The following INTS12 variants were observed in gnomAD, a reference collection of about 807,000 sequenced individuals.
INTS12 encodes the protein PHD finger protein 22.
INTS12 carries 13 observed loss-of-function variants against 41.6 expected under a neutral mutation model. The ratio of observed to expected loss-of-function variants is 0.31; its 90% CI spans 0.20 to 0.50. The LOEUF (loss-of-function observed/expected upper bound fraction) is 0.50. INTS12 is among the 20% of genes least tolerant of loss of function. The pLI is 0.98. For synonymous variants in INTS12, 199 were observed against 191.4 expected, an observed-to-expected ratio of 1.04 and a Z score of -0.33; for missense variants, 432 against 541.6, an observed-to-expected ratio of 0.80 and a Z score of 2.01.
intron 3 of INTS12, among the ~76,000 whole-genome samples, chr4:105,698,498 C>A (rs1731949341): frequency 6.6e-6 from 1 of 152,112 alleles, no homozygotes; most frequent in African/African-American, 2.4e-5. Flanking sequence ...TTAATCACAA[C>A]AAATTTTTCA....
intron 1 of INTS12, chr4:105,706,254 C>CTTTTTT (rs757516945): frequency 4.0e-5 from 5 of 125,398 alleles, no homozygotes; most frequent in Admixed American, 8.4e-5. Context: ...ACTTCAATCT[C>CTTTTTT]TTTTTTTTTT....
Position 105,689,211 on chromosome 4 carries a change from G to A in INTS12, c.658-2373C>T, listed in dbSNP as rs116957480. 2.9e-3 allele frequency among the ~76,000 whole-genome samples: 439 copies of A among 152,284 alleles called. 7 individuals carry two copies. In the East Asian group the frequency reaches 0.045, roughly 16 times the overall value. ...AATAACCTTGGACCCTGCCATACAC[G>A]ATCACAACATTCTTAACTAGGTCTT... On this transcript the variant is annotated intron_variant, in intron 6 of 7. Coordinates refer to ENST00000340139, the MANE Select transcript of INTS12 (RefSeq NM_020395.4).
In INTS12 at chr4:105,683,048, T is replaced by A; in HGVS notation, c.1074A>T (p.Val358=). The change falls in exon 8 of 8, where the codon GTA becomes GTT. Residue 358 remains valine (V), a synonymous_variant. Transcript: ENST00000340139. The part of the protein sequence containing the change: ...IGSNNSTTPT[V]PLKPPPPLTL... Reference sequence around the variant, plus strand: ...TTAGAGGTGGAGGTGGTTTTAAAGGTACAGTGGGCGTAGTGCTGTTATTGG... The same window carrying A: ...TTAGAGGTGGAGGTGGTTTTAAAGGAACAGTGGGCGTAGTGCTGTTATTGG... The A allele has an allele frequency of 1.9e-6, 3 of 1,614,150 alleles. No individual in the cohort carries two copies. The highest frequency in any genetic ancestry group is 2.5e-6 in the Non-Finnish European group (3 of 1,179,986).
chr4:105,686,202 A>G (rs887539558), intron 7 of INTS12, among the ~76,000 whole-genome samples: 4 of 152,128 alleles, frequency 2.6e-5, no homozygotes, highest in African/African-American at 9.7e-5. Flanking sequence ...AGCTGATCAC[A>G]GGCACCGCCA....
intron 3 of INTS12, among the ~76,000 whole-genome samples, 181 bp downstream of exon 3, chr4:105,699,669 C>G (rs141853457): frequency 1.9e-4 from 29 of 152,146 alleles, no homozygotes; most frequent in African/African-American, 5.5e-4. Flanking sequence ...GCTGATTTTT[C>G]TATGTGGTGT....
At chr4:105,698,405 T>A (rs1449304787) in intron 3 of INTS12, among the ~76,000 whole-genome samples, 1 of 152,224 alleles carries the variant, frequency 6.6e-6, no homozygotes, top group Non-Finnish European at 1.5e-5. Flanking sequence ...GGACCTGGGC[T>A]TTAAAAACCT....
At chr4:105,694,906 C>T (rs2149184136) in intron 4 of INTS12, among the ~76,000 whole-genome samples, 1 of 152,078 alleles carries the variant, frequency 6.6e-6, no homozygotes, top group Non-Finnish European at 1.5e-5. Context: ...CATCTATACT[C>T]TTTCCCATCT....
intron 4 of INTS12, among the ~76,000 whole-genome samples, chr4:105,694,382 G>A (rs1731788583): frequency 2.6e-5 from 4 of 152,236 alleles, no homozygotes; most frequent in South Asian, 4.1e-4. Context: ...CTGGAGTGCA[G>A]TGGCACAATC....
At chr4:105,700,430 T>A (rs747084855) in intron 2 of INTS12, among the ~76,000 whole-genome samples, 3 of 152,124 alleles carry the variant, frequency 2.0e-5, no homozygotes, top group Non-Finnish European at 2.9e-5. Flanking sequence ...GAAGACTTAG[T>A]GTGCAGGTGT....
At position 105,682,928 on chromosome 4, in the gene INTS12, G is replaced by A. The variant is rs752694247; in HGVS notation, c.1194C>T (p.Ser398=). ...TATTTCCATTCCCACTTAGTTGGCT[G>A]CTGCTTCCTGGAACTAAACTACTTG... ...PSPSSLVPGS[S]SQLSGNGNSG... Residue 398 remains serine, a synonymous_variant, in exon 8 of 8, where the codon AGC becomes AGT. Coordinates refer to ENST00000340139, the MANE Select transcript of INTS12 (RefSeq NM_020395.4). 6.2e-7 allele frequency: 1 copy of A among 1,614,068 alleles called. No individual in the cohort carries two copies. Among genetic ancestry groups the A allele is most frequent in the Non-Finnish European group, 8.5e-7 (1 of 1,179,958 alleles).
intron 5 of INTS12, among the ~76,000 whole-genome samples, chr4:105,692,483 CAAAA>C (rs571586438): frequency 2.0e-5 from 1 of 49,234 alleles, no homozygotes. Flanking sequence ...GACTCTGTCT[CAAAA>C]AAAAAAAAAA....
rs574477425 is a variant in INTS12 at position 105,689,274 on chromosome 4, G to A, written c.658-2436C>T. Among the ~76,000 whole-genome samples, 11 of 152,308 alleles carry A rather than the reference G, an allele frequency of 7.2e-5. No homozygotes were observed. The South Asian group carries it at 8.3e-4, about 11-fold the overall frequency. ...TGTACCGCAGAACTTGCCCCAGTTT[G>A]AGGAATCTGTTTGAGGAGAAAGGGG... On this transcript the variant is annotated intron_variant, in intron 6 of 7. Transcript: ENST00000340139.
At chr4:105,684,157 G>A (rs987879300) in intron 7 of INTS12, among the ~76,000 whole-genome samples, 1 of 152,010 alleles carries the variant, frequency 6.6e-6, no homozygotes, top group South Asian at 2.1e-4. Flanking sequence ...AACTTTCCTG[G>A]CTAATCAGAA....
rs79691691 is a variant in INTS12, at chr4:105,688,247, G to A, written c.658-1409C>T. On this transcript the variant is annotated intron_variant, in intron 6 of 7. Transcript: ENST00000340139. ...TACTGAACGGGGAAAGATGCTTCCCGCCAGCCATTCCATAGTCTTTGATAA... is the reference window on the plus strand; with the variant it reads ...TACTGAACGGGGAAAGATGCTTCCCACCAGCCATTCCATAGTCTTTGATAA... Among the ~76,000 whole-genome samples the A allele has an allele frequency of 1.2e-3, 190 of 152,162 alleles. 4 individuals are homozygous for A. In the East Asian group the frequency reaches 0.03, roughly 24 times the overall value.
At chr4:105,699,596 A>T (rs564083455) in intron 3 of INTS12, among the ~76,000 whole-genome samples, 1 of 152,348 alleles carries the variant, frequency 6.6e-6, no homozygotes, top group East Asian at 1.9e-4. Context: ...AAATTAAAGT[A>T]AGTCGTAAAC....
At chr4:105,700,720 C>T (rs542776178) in intron 2 of INTS12, among the ~76,000 whole-genome samples, 1 of 151,228 alleles carries the variant, frequency 6.6e-6, no homozygotes, top group South Asian at 2.1e-4. Context: ...CACACACACA[C>T]ACACACACAC....
At chr4:105,704,931 A>G (rs1352814934) in intron 1 of INTS12, among the ~76,000 whole-genome samples, 1 of 152,184 alleles carries the variant, frequency 6.6e-6, no homozygotes, top group African/African-American at 2.4e-5. Context: ...GGCCCACTGC[A>G]AAAGCTTAAT....
chr4:105,707,241 C>T (rs997733535), intron 1 of INTS12, among the ~76,000 whole-genome samples: 9 of 152,062 alleles, frequency 5.9e-5, no homozygotes, highest in African/African-American at 2.2e-4. Flanking sequence ...CCATTCCAAA[C>T]CCTATTAATA....
At chr4:105,706,692 A>G (rs1251902354) in intron 1 of INTS12, among the ~76,000 whole-genome samples, 1 of 152,180 alleles carries the variant, frequency 6.6e-6, no homozygotes, top group African/African-American at 2.4e-5. Flanking sequence ...AATAAATGAC[A>G]CAACTTTCTT....
Sources: allele counts gnomAD v4.1 joint callset (sites outside exome capture counted in the v4.1 genomes callset), GRCh38; gene constraint gnomAD v4.1.1; transcripts MANE v1.5; gene names NCBI Gene and HGNC (gene_info 2026-07-23, HGNC 2026-07-21).